The following KIAA1217 variants were observed in gnomAD, a reference collection of about 807,000 sequenced individuals.
KIAA1217 encodes the protein KIAA1217.
KIAA1217 carries 88 observed loss-of-function variants against 163.9 expected under a neutral mutation model. The ratio of observed to expected loss-of-function variants is 0.54; its 90% confidence interval spans 0.45 to 0.64. KIAA1217 has a LOEUF of 0.64. KIAA1217 is among the 30% of genes least tolerant of loss of function. KIAA1217 has a pLI of 0.00. For synonymous variants in KIAA1217, 903 were observed against 923.1 expected, an observed-to-expected ratio of 0.98 and a Z score of 0.39; for missense variants, 2,372 against 2,475.0, an observed-to-expected ratio of 0.96 and a Z score of 0.88.
chr10:23,849,917 C>T (rs968872551), intron 1 of KIAA1217, among the ~76,000 whole-genome samples: 4 of 152,032 alleles, frequency 2.6e-5, no homozygotes, highest in Admixed American at 1.3e-4. Flanking sequence ...AACATTCATG[C>T]GTACAACAGA....
intron 5 of KIAA1217, among the ~76,000 whole-genome samples, chr10:24,452,518 A>G (rs2061454272): frequency 1.6e-5 from 2 of 122,910 alleles, no homozygotes; most frequent in South Asian, 4.8e-4. Flanking sequence ...CTTAAAATAC[A>G]AAAAAAAAAA....
rs61735607 is a variant in KIAA1217 at position 24,473,589 on chromosome 10, G to A, written c.1208G>A (p.Arg403Gln). Residue 403 changes from arginine to glutamine, a missense_variant, in exon 6 of 21, where the codon CGG (arginine) becomes CAG (glutamine). By Grantham distance (43) the Arg-to-Gln change is conservative. Coordinates refer to ENST00000376454, the MANE Select transcript of KIAA1217 (RefSeq NM_019590.5). ...GATCCTTACCTTTATCACGAGGGACGGATGAGCATAGCCTCATCCCATGGT... is the reference window on the plus strand; with the variant it reads ...GATCCTTACCTTTATCACGAGGGACAGATGAGCATAGCCTCATCCCATGGT... ...YADPYLYHEG[R>Q]MSIASSHGGH... 7.7e-5 allele frequency: 125 copies of A among 1,614,084 alleles called. No individual in the cohort carries two copies. The highest frequency in any genetic ancestry group is 2.3e-4 in the Admixed American group (14 of 60,010).
rs886182443 is a variant in KIAA1217, at chr10:24,542,885, T to TA, written c.3616dup (p.Thr1206AsnfsTer8). 2 of 1,610,106 alleles carry TA rather than the reference T, an allele frequency of 1.2e-6. No homozygotes were observed. Among genetic ancestry groups the TA allele is most frequent in the Non-Finnish European group, 1.7e-6 (2 of 1,177,820 alleles). ...CCCTCCTCCGTTCTCCCTCTCAGGTTACCACAGGGGCTGTAAGACCTAGTG... is the reference window on the plus strand; with the variant it reads ...CCCTCCTCCGTTCTCCCTCTCAGGTTAACCACAGGGGCTGTAAGACCTAGTG... On this transcript the variant is annotated frameshift_variant, in exon 19 of 21. Coordinates refer to ENST00000376454, the MANE Select transcript of KIAA1217 (RefSeq NM_019590.5). LOFTEE classifies it high-confidence loss of function.
chr10:24,232,935 C>CAAAAAAAAAA (rs908492411), intron 2 of KIAA1217, among the ~76,000 whole-genome samples: 173 of 56,162 alleles, frequency 3.1e-3, no homozygotes, highest in East Asian at 3.9e-3. Context: ...CTTATCTCTA[C>CAAAAAAAAAA]AAAAAAAAAA....
In KIAA1217 at chr10:23,733,622, G is replaced by GT. The variant is rs201508066; in HGVS notation, c.-321+38397dup. Among the ~76,000 whole-genome samples the GT allele has an allele frequency of 1.4e-3, 134 of 92,430 alleles. 2 individuals are homozygous for GT. The highest frequency in any genetic ancestry group is 5.6e-3 in the Admixed American group (52 of 9,336). The allele number at this position is 92,430 out of a possible 152,430, so 60.6% of individuals were successfully genotyped here. Reference sequence around the variant, plus strand: ...AAATTCATATTATTTTTGTTGTTATGTTTTTTTTTCTGAATATTTTCTATC... The same window carrying GT: ...AAATTCATATTATTTTTGTTGTTATGTTTTTTTTTTCTGAATATTTTCTATC... On this transcript the variant is annotated intron_variant, in intron 1 of 18. Transcript: ENST00000376462.
chr10:23,913,701 C>T (rs924929912), intron 1 of KIAA1217, among the ~76,000 whole-genome samples: 1 of 152,052 alleles, frequency 6.6e-6, no homozygotes, highest in Non-Finnish European at 1.5e-5. Context: ...TTGGCATGTA[C>T]CCTAAGAGAG....
At chr10:24,523,353 A>G (rs2071591630) in intron 12 of KIAA1217, among the ~76,000 whole-genome samples, 1 of 152,172 alleles carries the variant, frequency 6.6e-6, no homozygotes, top group Non-Finnish European at 1.5e-5. Context: ...GAGATGGTTG[A>G]GGCAGAATGA....
intron 19 of KIAA1217, 96 bp from the exon 20 acceptor site, chr10:24,544,885 C>T: frequency 7.3e-7 from 1 of 1,374,398 alleles, no homozygotes; most frequent in Non-Finnish European, 1.0e-6. Flanking sequence ...TGTGGCTTCT[C>T]ACCTTGAGCT....
chr10:24,370,787 G>A (rs760621774), intron 2 of KIAA1217, among the ~76,000 whole-genome samples: 11 of 152,056 alleles, frequency 7.2e-5, no homozygotes, highest in Non-Finnish European at 1.3e-4. Context: ...GGACGTTGCC[G>A]AGGTTGGTCT....
chr10:24,495,100 A>AAAT, intron 7 of KIAA1217, 47 bp from the exon 8 acceptor site: 1 of 1,471,266 alleles, frequency 6.8e-7, no homozygotes, highest in Non-Finnish European at 9.2e-7. Flanking sequence ...AAAAAAAAAA[A>AAAT]GGCATTTTGG....
At chr10:24,110,200 C>G (rs1322405183) in intron 2 of KIAA1217, among the ~76,000 whole-genome samples, 1 of 152,082 alleles carries the variant, frequency 6.6e-6, no homozygotes, top group Admixed American at 6.5e-5. Context: ...TCTCTGTCTT[C>G]GTCCGAAGAC....
At chr10:23,880,851 T>A (rs940754005) in intron 1 of KIAA1217, among the ~76,000 whole-genome samples, 1 of 151,998 alleles carries the variant, frequency 6.6e-6, no homozygotes, top group Non-Finnish European at 1.5e-5. Context: ...CAGGTTTAGT[T>A]TGAGACCAGC....
chr10:23,878,673 C>T (rs1162089716), intron 1 of KIAA1217, among the ~76,000 whole-genome samples: 1 of 151,750 alleles, frequency 6.6e-6, no homozygotes. Context: ...TCAGACAAAG[C>T]CTTGCTGAGT....
exon 2 of KIAA1217, chr10:24,007,277 C>T (rs184753802): frequency 6.6e-6 from 1 of 152,006 alleles, no homozygotes; most frequent in Non-Finnish European, 1.5e-5. Context: ...GTCCTGGAGA[C>T]GGAGTGGAAC....
chr10:24,202,013 G>T (rs945290048), intron 2 of KIAA1217, among the ~76,000 whole-genome samples: 2 of 152,146 alleles, frequency 1.3e-5, no homozygotes, highest in African/African-American at 4.8e-5. Context: ...GCAGGCAGGC[G>T]GCCCAGCCCC....
rs114162207 is a variant in KIAA1217, at chr10:24,185,265, G to A, written c.-170-34361G>A. Among the ~76,000 whole-genome samples, 464 of 152,256 alleles carry A rather than the reference G, an allele frequency of 3.0e-3. 1 individual carries two copies. Among genetic ancestry groups the A allele is most frequent in the African/African-American group, 0.01 (435 of 41,560 alleles). On this transcript the variant is annotated intron_variant, in intron 2 of 18. Transcript: ENST00000376462. ...TGCAGGATAAGGAATTCCAGTTGGG[G>A]TAGGTTACAGTTACATACAAGGACA... is the stretch of plus-strand genomic sequence containing the variant.
chr10:24,393,530 G>T (rs1459665743), intron 3 of KIAA1217, among the ~76,000 whole-genome samples: 1 of 152,176 alleles, frequency 6.6e-6, no homozygotes, highest in Non-Finnish European at 1.5e-5. Context: ...TCTCTTGGGG[G>T]CTGTTAAGGG....
At chr10:24,277,282 C>T (rs1439931994) in intron 2 of KIAA1217, among the ~76,000 whole-genome samples, 2 of 152,202 alleles carry the variant, frequency 1.3e-5, no homozygotes, top group African/African-American at 4.8e-5. Context: ...TTACTTCCAA[C>T]TTTTCAGATG....
Position 23,886,134 on chromosome 10 carries a change from T to C in KIAA1217, c.-320-121091T>C, listed in dbSNP as rs571124080. Among the ~76,000 whole-genome samples, 105 of 152,010 alleles carry C rather than the reference T, an allele frequency of 6.9e-4. 1 individual carries two copies. The highest frequency in any genetic ancestry group is 1.6e-3 in the African/African-American group (66 of 41,532). On this transcript the variant is annotated intron_variant, in intron 1 of 18. Transcript: ENST00000376462. The stretch of plus-strand genomic sequence containing the variant: ...TCTGCAGCTGTTAGTAGACGAATCA[T>C]TATTCTGATGTTGGCTCCTGTCCTT...
Sources: gnomAD v4.1 joint callset for allele counts (sites outside exome capture counted in the v4.1 genomes callset) on GRCh38, gnomAD v4.1.1 for gene constraint, MANE v1.5 for transcripts, NCBI Gene and HGNC (gene_info 2026-07-23, HGNC 2026-07-21) for gene names.